The following TTC1 variants were observed in gnomAD, a reference collection of about 807,000 sequenced individuals.
TTC1 encodes the protein tetratricopeptide repeat domain 1.
In TTC1, 31 loss-of-function variants were observed where a neutral mutation model predicts 37.6. The ratio of observed to expected loss-of-function variants is 0.82; its 90% CI spans 0.62 to 1.11. TTC1 has a LOEUF of 1.11. Among genes scored for constraint, TTC1 ranks in the 50% most tolerant of loss-of-function variants. The pLI is 0.00. For missense variants in TTC1, 351 were observed against 339.0 expected, an observed-to-expected ratio of 1.04 and a Z score of -0.28; for synonymous variants, 127 against 122.4, an observed-to-expected ratio of 1.04 and a Z score of -0.25.
Position 160,051,129 on chromosome 5 carries a change from A to G in TTC1, c.691A>G (p.Arg231Gly). The G allele has an allele frequency of 6.2e-7, 1 of 1,602,350 alleles. No individual in the cohort carries two copies. Among genetic ancestry groups the G allele is most frequent in the Non-Finnish European group, 8.5e-7 (1 of 1,173,870 alleles). ...CCCTTGTTTCTCCTCTTTTCCTCAG[A>G]GATTACCTAAGCAAATTGAAGAACG... ...SIHQAREACMRLPKQIEERNE... is the reference protein window; with the variant it reads ...SIHQAREACMGLPKQIEERNE... Residue 231 changes from arginine (R) to glycine (G), a missense_variant and splice_region_variant, in exon 7 of 8, where the codon AGA (arginine) becomes GGA (glycine). Arg to Gly is a moderately radical substitution (Grantham distance 125). Coordinates refer to ENST00000231238, the MANE Select transcript of TTC1 (RefSeq NM_003314.3).
At chr5:160,059,082 C>G (rs1757627441) in intron 7 of TTC1, among the ~76,000 whole-genome samples, 1 of 152,180 alleles carries the variant, frequency 6.6e-6, no homozygotes, top group Admixed American at 6.5e-5. Flanking sequence ...AAGTCACCAG[C>G]TGTATTATCG....
intron 5 of TTC1, among the ~76,000 whole-genome samples, chr5:160,045,485 CACACACACACACACACACACACACACACA>C (rs1757196564): frequency 1.6e-5 from 2 of 121,280 alleles, no homozygotes; most frequent in African/African-American, 3.3e-5. Flanking sequence ...CACACACACA[CACACACACACACACACACACACACACACA>C]TACACACTCT....
At chr5:160,017,285 T>C (rs1206934443) in intron 2 of TTC1, among the ~76,000 whole-genome samples, 1 of 152,192 alleles carries the variant, frequency 6.6e-6, no homozygotes, top group Non-Finnish European at 1.5e-5. Flanking sequence ...TAGAAATTTA[T>C]TGCTCATAAT....
At chr5:160,011,959 C>T (rs967992190) in intron 2 of TTC1, among the ~76,000 whole-genome samples, 2 of 152,172 alleles carry the variant, frequency 1.3e-5, no homozygotes, top group African/African-American at 2.4e-5. Flanking sequence ...TCTCCTTAGA[C>T]GCTTTTCATT....
intron 7 of TTC1, among the ~76,000 whole-genome samples, chr5:160,061,262 A>G (rs1442202939): frequency 6.6e-6 from 1 of 152,226 alleles, no homozygotes; most frequent in Non-Finnish European, 1.5e-5. Flanking sequence ...GTTCAAGTGT[A>G]AACTCTTAGA....
chr5:160,030,158 C>T (rs949627469), intron 2 of TTC1, among the ~76,000 whole-genome samples: 1 of 152,126 alleles, frequency 6.6e-6, no homozygotes, highest in Non-Finnish European at 1.5e-5. Flanking sequence ...TGAAAGGTGG[C>T]CCCAGGGAGG....
chr5:160,010,530 TG>T lies in TTC1; in HGVS notation c.7del (p.Glu3?). 1.2e-6 allele frequency: 2 copies of T among 1,611,460 alleles called. No individual in the cohort carries two copies. Among genetic ancestry groups the T allele is most frequent in the Non-Finnish European group, 1.7e-6 (2 of 1,177,848 alleles). The part of the protein sequence containing the change: [M>X]GEKSENCGVP... ...GCGTCACCTCCCTCACTGGGCAGCA[TG>T]GGGGAGAAGTCAGAGAACTGTGGGG... On this transcript the variant is annotated frameshift_variant and start_lost, in exon 2 of 8. Transcript: ENST00000231238. LOFTEE classifies it high-confidence loss of function.
chr5:160,037,582 G>C (rs1411162274), intron 4 of TTC1, among the ~76,000 whole-genome samples: 2 of 152,168 alleles, frequency 1.3e-5, no homozygotes, highest in African/African-American at 4.8e-5. Flanking sequence ...CAGGCATGGT[G>C]GTGGGCACCT....
At chr5:160,044,194 T>C (rs1757158436) in intron 5 of TTC1, among the ~76,000 whole-genome samples, 1 of 152,188 alleles carries the variant, frequency 6.6e-6, no homozygotes, top group South Asian at 2.1e-4. Flanking sequence ...ACCTTATATG[T>C]TATCTAGATC....
At chr5:160,021,243 T>C (rs907878137) in intron 2 of TTC1, among the ~76,000 whole-genome samples, 9 of 152,258 alleles carry the variant, frequency 5.9e-5, no homozygotes, top group Non-Finnish European at 7.4e-5. Context: ...AATTTTGATA[T>C]AGGAAGAACT....
At chr5:160,039,577 C>A (rs2113373378) in intron 4 of TTC1, among the ~76,000 whole-genome samples, 1 of 151,868 alleles carries the variant, frequency 6.6e-6, no homozygotes, top group Middle Eastern at 3.4e-3. Flanking sequence ...AAAGTTTCTG[C>A]AATAAAATTC....
At chr5:160,009,274 A>T (rs1465574801) in intron 1 of TTC1, 81 bp downstream of exon 1, 1 of 152,194 alleles carries the variant, frequency 6.6e-6, no homozygotes, top group Non-Finnish European at 1.5e-5. Context: ...GCGAGGCATC[A>T]CTTCCCTAAC....
intron 7 of TTC1, among the ~76,000 whole-genome samples, chr5:160,059,933 C>A (rs1010208725): frequency 2.0e-5 from 3 of 152,200 alleles, no homozygotes; most frequent in African/African-American, 7.2e-5. Context: ...CACACATCTT[C>A]AATTTGTAAA....
At chr5:160,024,109 C>T (rs1003444703) in intron 2 of TTC1, 7 of 755,470 alleles carry the variant, frequency 9.3e-6, no homozygotes, top group Non-Finnish European at 9.3e-6. Context: ...CTTCTCTGTG[C>T]TGTGTACATA....
intron 2 of TTC1, among the ~76,000 whole-genome samples, chr5:160,015,146 C>T (rs1414184109): frequency 6.6e-6 from 1 of 152,144 alleles, no homozygotes; most frequent in South Asian, 2.1e-4. Context: ...GAACTTTTGG[C>T]ACCACCTACC....
At chr5:160,016,372 T>G (rs1756606758) in intron 2 of TTC1, among the ~76,000 whole-genome samples, 1 of 152,170 alleles carries the variant, frequency 6.6e-6, no homozygotes, top group South Asian at 2.1e-4. Flanking sequence ...AATGAGACTC[T>G]GTCTCAATAA....
chr5:160,010,851 A>C lies in TTC1; in HGVS notation c.323A>C (p.Glu108Ala). ...IELEKNMSDE[E>A]KQKRREESTR... ...CTGGAAAAAAACATGTCGGATGAAG[A>C]GAAACAGGTAAGTATTTTATTTATT... The change falls in exon 2 of 8, where the codon GAG becomes GCG. Residue 108 changes from glutamate to alanine, a missense_variant. Physicochemically the swap from Glu to Ala is moderately radical, Grantham distance 107 (BLOSUM62 -1). Transcript: ENST00000231238. 1 of 1,611,354 alleles carries C rather than the reference A, an allele frequency of 6.2e-7. No homozygotes were observed. The highest frequency in any genetic ancestry group is 8.5e-7 in the Non-Finnish European group (1 of 1,178,356).
Position 160,013,354 on chromosome 5 carries a change from T to C in TTC1, c.330+2496T>C, listed in dbSNP as rs1581090923. Among the ~76,000 whole-genome samples, 7 of 152,202 alleles carry C rather than the reference T, an allele frequency of 4.6e-5. No individual in the cohort carries two copies. The South Asian group carries it at 1.5e-3, about 32-fold the overall frequency. On this transcript the variant is annotated intron_variant, in intron 2 of 7. Transcript: ENST00000231238. ...GCTCATCAGAAACAGGATAGTGTTA[T>C]ATTTGAATCTTTTAAAATAAAGTTC...
intron 5 of TTC1, among the ~76,000 whole-genome samples, chr5:160,048,985 C>T (rs534282629): frequency 2.6e-5 from 4 of 152,078 alleles, no homozygotes; most frequent in Non-Finnish European, 5.9e-5. Context: ...TTTCACTGCG[C>T]ACTTGAACTC....
Sources: gnomAD v4.1 joint callset for allele counts (sites outside exome capture counted in the v4.1 genomes callset) on GRCh38, gnomAD v4.1.1 for gene constraint, MANE v1.5 for transcripts, NCBI Gene and HGNC (gene_info 2026-07-23, HGNC 2026-07-21) for gene names.